The following PCDHA4 variants were observed in gnomAD, a reference collection of about 807,000 sequenced individuals.
PCDHA4 encodes protocadherin alpha-4.
A neutral mutation model predicts 61.4 loss-of-function variants in PCDHA4; 49 were observed. The observed-to-expected ratio is 0.80, with a 90% confidence interval of 0.63 to 1.01. The LOEUF (loss-of-function observed/expected upper bound fraction) is 1.01, where lower values mean the gene tolerates loss of function less well. PCDHA4 is among the 50% of genes least tolerant of loss of function. PCDHA4 has a pLI of 0.00. For synonymous variants in PCDHA4, 590 were observed against 550.3 expected (o/e 1.07, Z -1.01); for missense variants, 1,254 against 1,235.8 (o/e 1.01, Z -0.22).
intron 1 of PCDHA4, chr5:140,848,281 T>C: frequency 1.7e-6 from 1 of 600,408 alleles, no homozygotes; most frequent in Non-Finnish European, 2.9e-6. Context: ...AATATGTACT[T>C]ACACTTTGGG....
At chr5:140,947,647 A>G (rs1192426462) in intron 1 of PCDHA4, among the ~76,000 whole-genome samples, 1 of 151,646 alleles carries the variant, frequency 6.6e-6, no homozygotes, top group African/African-American at 2.4e-5. Flanking sequence ...ATGAACATAT[A>G]TACCTCCATT....
At position 140,954,715 on chromosome 5, in the gene PCDHA4, G is replaced by A. The variant is rs189929573; in HGVS notation, c.2386-24234G>A. Among the ~76,000 whole-genome samples, 246 of 152,208 alleles carry A rather than the reference G, an allele frequency of 1.6e-3. 8 individuals carry two copies. Among genetic ancestry groups the A allele is most frequent in the Middle Eastern group, 3.4e-3 (1 of 294 alleles). ...GACTACAAAATTTTTCTCCCATTCT[G>A]TAGGTTGTCTTTTCACTCTGATGAT... On this transcript the variant is annotated intron_variant, in intron 1 of 3. Coordinates refer to ENST00000530339, the MANE Select transcript of PCDHA4 (RefSeq NM_018907.4).
At chr5:140,877,736 G>A (rs979836328) in intron 1 of PCDHA4, 22 of 1,614,170 alleles carry the variant, frequency 1.4e-5, no homozygotes, top group East Asian at 2.2e-5. Flanking sequence ...CAGCAGAGGA[G>A]GCAGAGGGTG....
chr5:140,811,802 T>C (rs2126631917), intron 1 of PCDHA4: 1 of 152,354 alleles, frequency 6.6e-6, no homozygotes, highest in South Asian at 2.1e-4. Context: ...TGTCTTCTTT[T>C]GAGAAGTGTC....
chr5:140,883,642 C>G (rs200197885), intron 1 of PCDHA4: 55 of 1,613,904 alleles, frequency 3.4e-5, no homozygotes, highest in East Asian at 2.0e-4. Flanking sequence ...TCGCGCAGCC[C>G]GAGTACACGG....
chr5:140,905,771 G>A lies in PCDHA4; in HGVS notation c.2386-73178G>A, dbSNP rs112500166. ...TCACCTCCTTGGTTAAGTATATTCC[G>A]AAGTGTATTAGTCAGGGTTCTCTAG... is the stretch of plus-strand genomic sequence containing the variant. On this transcript the variant is annotated intron_variant, in intron 1 of 3. Coordinates refer to ENST00000530339, the MANE Select transcript of PCDHA4 (RefSeq NM_018907.4). Among the ~76,000 whole-genome samples the A allele has an allele frequency of 4.4e-3, 670 of 152,104 alleles. 7 individuals are homozygous for A. Among genetic ancestry groups the A allele is most frequent in the African/African-American group, 0.015 (623 of 41,484 alleles).
At chr5:140,906,917 C>T (rs2073040753) in intron 1 of PCDHA4, among the ~76,000 whole-genome samples, 1 of 152,114 alleles carries the variant, frequency 6.6e-6, no homozygotes, top group Non-Finnish European at 1.5e-5. Context: ...AGGAGGAGCC[C>T]AAAAAGTGTC....
chr5:140,968,257 T>C (rs781932747), intron 1 of PCDHA4: 2 of 1,613,946 alleles, frequency 1.2e-6, no homozygotes, highest in East Asian at 2.2e-5. Context: ...CAGACCCAGA[T>C]GAAAAGGAGA....
At chr5:140,903,687 T>C (rs1554191081) in intron 1 of PCDHA4, among the ~76,000 whole-genome samples, 1 of 152,228 alleles carries the variant, frequency 6.6e-6, no homozygotes, top group Non-Finnish European at 1.5e-5. Context: ...GTTTGGTAAA[T>C]AGTTTAAAAT....
intron 3 of PCDHA4, among the ~76,000 whole-genome samples, chr5:140,985,834 G>T (rs550087572): frequency 1.3e-5 from 2 of 150,860 alleles, no homozygotes; most frequent in South Asian, 4.2e-4. Flanking sequence ...CTGCCTCCCG[G>T]GTTCATGCCA....
chr5:140,909,550 A>C (rs549281873), intron 1 of PCDHA4, among the ~76,000 whole-genome samples: 2 of 152,232 alleles, frequency 1.3e-5, no homozygotes, highest in East Asian at 3.9e-4. Context: ...GGTGGCACTA[A>C]TCTCTGCAAC....
chr5:140,833,118 A>G (rs1296714112), intron 1 of PCDHA4, among the ~76,000 whole-genome samples: 1 of 152,250 alleles, frequency 6.6e-6, no homozygotes, highest in African/African-American at 2.4e-5. Flanking sequence ...CTTCAAAGTC[A>G]TTTGAAAGCT....
chr5:140,809,494 C>T lies in PCDHA4; in HGVS notation c.2307C>T (p.Leu769=), dbSNP rs781910272. 5 of 1,614,118 alleles carry T rather than the reference C, an allele frequency of 3.1e-6. No homozygotes were observed. The South Asian group carries it at 4.4e-5, about 14-fold the overall frequency. ...GTGAGGGCCCACCCAAGACCGACCT[C>T]ATGGCCTTCAGCCCCAGTTTACCTG... ...CSGEGPPKTD[L]MAFSPSLPDS... The change falls in exon 1 of 4, where the codon CTC becomes CTT. Residue 769 remains leucine, a synonymous_variant. Coordinates refer to ENST00000530339, the MANE Select transcript of PCDHA4 (RefSeq NM_018907.4).
At chr5:140,884,376 C>T (rs1554181489) in intron 1 of PCDHA4, 2 of 1,613,982 alleles carry the variant, frequency 1.2e-6, no homozygotes, top group Non-Finnish European at 1.7e-6. Context: ...TTGATCATTG[C>T]CATCTGCGCG....
intron 2 of PCDHA4, among the ~76,000 whole-genome samples, chr5:140,981,682 C>T (rs2096944253): frequency 6.6e-6 from 1 of 151,668 alleles, no homozygotes; most frequent in South Asian, 2.1e-4. Flanking sequence ...TCCTTCCTCC[C>T]TTCCATCATT....
chr5:140,842,916 A>G, intron 1 of PCDHA4: 1 of 1,594,694 alleles, frequency 6.3e-7, no homozygotes, highest in South Asian at 1.1e-5. Context: ...GAGCTGCTGC[A>G]GTTCCAGGTG....
At chr5:140,875,769 C>A (rs782227729) in intron 1 of PCDHA4, 1 of 1,614,224 alleles carries the variant, frequency 6.2e-7, no homozygotes, top group South Asian at 1.1e-5. Context: ...GCGGGCGGAG[C>A]GCGGAGTGCA....
chr5:140,882,127 C>A (rs2058964637), intron 1 of PCDHA4: 23 of 1,464,566 alleles, frequency 1.6e-5, no homozygotes, highest in Admixed American at 4.6e-5. Flanking sequence ...TTTCTTTCTT[C>A]CTGCAGAAAA....
chr5:141,009,233 T>C (rs2098403082), intron 3 of PCDHA4, among the ~76,000 whole-genome samples: 1 of 152,184 alleles, frequency 6.6e-6, no homozygotes, highest in Non-Finnish European at 1.5e-5. Context: ...GGTGGGAGGA[T>C]CTCTTGAGCT....
Sources: allele counts gnomAD v4.1 joint callset (sites outside exome capture counted in the v4.1 genomes callset), GRCh38; gene constraint gnomAD v4.1.1; transcripts MANE v1.5; gene names NCBI Gene and HGNC (gene_info 2026-07-23, HGNC 2026-07-21).